The following SLC41A2 variants were observed in gnomAD, a reference collection of about 807,000 sequenced individuals.
The protein encoded by SLC41A2 is solute carrier family 41 member 2.
In SLC41A2, 32 loss-of-function variants were observed where a neutral mutation model predicts 58.3. That is an observed-to-expected ratio of 0.55 (90% confidence interval 0.41 to 0.74). The LOEUF (loss-of-function observed/expected upper bound fraction) is 0.74. Among genes scored for constraint, SLC41A2 ranks in the 30% least tolerant of loss-of-function variants. The pLI, the probability that SLC41A2 is intolerant of heterozygous loss-of-function variation, is 0.00. For synonymous variants in SLC41A2, 190 were observed against 235.0 expected (o/e 0.81, Z 1.75); for missense variants, 514 against 680.6 (o/e 0.76, Z 2.72).
chr12:104,834,011 G>T, intron 10 of SLC41A2: 1 of 985,288 alleles, frequency 1.0e-6, no homozygotes, highest in South Asian at 4.7e-5. Context: ...CTTGAGAAAA[G>T]ATGGTTGAGC....
chr12:104,812,282 A>C (rs2041208010), intron 10 of SLC41A2, among the ~76,000 whole-genome samples: 1 of 152,348 alleles, frequency 6.6e-6, no homozygotes, highest in East Asian at 1.9e-4. Flanking sequence ...TCCCCGTTCA[A>C]GACAGAGATG....
intron 3 of SLC41A2, among the ~76,000 whole-genome samples, chr12:104,897,282 AT>A (rs1411894488): frequency 2.0e-5 from 3 of 151,054 alleles, no homozygotes; most frequent in African/African-American, 7.3e-5. Flanking sequence ...AGTAGCTGTG[AT>A]TACAGGTGCC....
chr12:104,940,362 G>A (rs1331624357), intron 1 of SLC41A2, among the ~76,000 whole-genome samples: 1 of 150,656 alleles, frequency 6.6e-6, no homozygotes, highest in Non-Finnish European at 1.5e-5. Flanking sequence ...GGGGGGGAGG[G>A]GGGAGGGATA....
At chr12:104,890,573 G>A (rs547033078) in intron 4 of SLC41A2, among the ~76,000 whole-genome samples, 3 of 152,276 alleles carry the variant, frequency 2.0e-5, no homozygotes, top group African/African-American at 7.2e-5. Context: ...GCACACAGCT[G>A]AGATGAGGAA....
chr12:104,863,325 T>C (rs1593019751), intron 7 of SLC41A2, among the ~76,000 whole-genome samples: 1 of 152,162 alleles, frequency 6.6e-6, no homozygotes, highest in South Asian at 2.1e-4. Flanking sequence ...GTCCCGGCTG[T>C]TCAAGAAACT....
At chr12:104,847,121 T>C (rs2042624586) in intron 8 of SLC41A2, among the ~76,000 whole-genome samples, 1 of 151,614 alleles carries the variant, frequency 6.6e-6, no homozygotes, top group South Asian at 2.1e-4. Context: ...AAGGATCTAG[T>C]GGAAAAGATA....
chr12:104,850,201 C>T (rs1340117615), intron 8 of SLC41A2, among the ~76,000 whole-genome samples: 1 of 151,840 alleles, frequency 6.6e-6, no homozygotes, highest in Non-Finnish European at 1.5e-5. Context: ...AGATTTCCCT[C>T]CAAAAAAAAG....
chr12:104,816,933 GCATAT>G (rs1260306388), intron 10 of SLC41A2, among the ~76,000 whole-genome samples: 2 of 152,182 alleles, frequency 1.3e-5, no homozygotes, highest in Non-Finnish European at 2.9e-5. Context: ...TATAACGTAT[GCATAT>G]CTTCCCATAT....
intron 10 of SLC41A2, among the ~76,000 whole-genome samples, chr12:104,835,637 C>G (rs535765270): frequency 3.0e-4 from 46 of 152,266 alleles, no homozygotes; most frequent in African/African-American, 1.1e-3. Flanking sequence ...TCAGAACATT[C>G]AGGAGATATT....
chr12:104,832,280 T>C (rs2042064744), intron 10 of SLC41A2, among the ~76,000 whole-genome samples: 1 of 152,222 alleles, frequency 6.6e-6, no homozygotes, highest in African/African-American at 2.4e-5. Context: ...GTACAATTCC[T>C]GGCTCTTTCT....
At chr12:104,923,541 T>C (rs1565904577) in intron 2 of SLC41A2, among the ~76,000 whole-genome samples, 1 of 151,926 alleles carries the variant, frequency 6.6e-6, no homozygotes, top group Non-Finnish European at 1.5e-5. Flanking sequence ...AACAAAAAGT[T>C]ATTTTTTGAA....
intron 1 of SLC41A2, among the ~76,000 whole-genome samples, chr12:104,954,704 C>T (rs1436661319): frequency 6.6e-6 from 1 of 152,174 alleles, no homozygotes; most frequent in Non-Finnish European, 1.5e-5. Context: ...AAGGCAGTGG[C>T]ATAAAAGGGT....
At chr12:104,906,341 C>T (rs1222539161) in intron 3 of SLC41A2, among the ~76,000 whole-genome samples, 1 of 152,088 alleles carries the variant, frequency 6.6e-6, no homozygotes, top group Non-Finnish European at 1.5e-5. Context: ...GCCAATGAAC[C>T]CCAGGAACGC....
intron 10 of SLC41A2, among the ~76,000 whole-genome samples, chr12:104,820,046 A>G (rs923421251): frequency 6.6e-6 from 1 of 152,220 alleles, no homozygotes; most frequent in Non-Finnish European, 1.5e-5. Context: ...ACCTAAAGCC[A>G]GTGTCAGCTC....
chr12:104,879,253 A>G (rs1042316185), intron 6 of SLC41A2, among the ~76,000 whole-genome samples: 3 of 152,132 alleles, frequency 2.0e-5, no homozygotes, highest in African/African-American at 4.8e-5. Context: ...CTCCCATTCT[A>G]TAGGTTACCT....
intron 3 of SLC41A2, among the ~76,000 whole-genome samples, chr12:104,900,781 T>C (rs960671158): frequency 6.6e-6 from 1 of 152,240 alleles, no homozygotes; most frequent in Non-Finnish European, 1.5e-5. Flanking sequence ...TGTAATTATA[T>C]CTAAATTGTG....
chr12:104,893,375 G>A (rs2045112113), intron 4 of SLC41A2, among the ~76,000 whole-genome samples: 1 of 152,164 alleles, frequency 6.6e-6, no homozygotes, highest in Non-Finnish European at 1.5e-5. Context: ...TGAGGATGTG[G>A]AGAAAAGGGA....
chr12:104,952,326 G>T (rs1169794580), intron 1 of SLC41A2, among the ~76,000 whole-genome samples: 1 of 152,158 alleles, frequency 6.6e-6, no homozygotes, highest in Non-Finnish European at 1.5e-5. Flanking sequence ...TGTTCTCACA[G>T]ACCTTTTGGT....
At position 104,866,587 on chromosome 12, in the gene SLC41A2, TAAAA is replaced by T. The variant is rs34984157; in HGVS notation, c.1028-12_1028-9del. The T allele has an allele frequency of 2.6e-3, 3,430 of 1,333,796 alleles. No homozygotes were observed. The highest frequency in any genetic ancestry group is 0.018 in the East Asian group (749 of 40,752). The allele number at this position is 1,333,796 out of a possible 1,614,324, so 82.6% of individuals were successfully genotyped here. A position where few individuals can be genotyped will look rare whatever the true frequency, so the allele number is the denominator to read the frequency against. ...AAATGTAGTAATAGGTCTCTAAAAT[TAAAA>T]AAAAAAAAAAAAAGAGAGACAACAT... On this transcript the variant is annotated splice_polypyrimidine_tract_variant and intron_variant, in intron 6 of 10. Transcript: ENST00000258538.
Sources: gnomAD v4.1 joint callset for allele counts (sites outside exome capture counted in the v4.1 genomes callset) on GRCh38, gnomAD v4.1.1 for gene constraint, MANE v1.5 for transcripts, NCBI Gene and HGNC (gene_info 2026-07-23, HGNC 2026-07-21) for gene names.